The following DAB2 variants were observed in gnomAD, a reference collection of about 807,000 sequenced individuals.
The protein encoded by DAB2 is disabled homolog 2.
Under a neutral mutation model 71.6 loss-of-function variants are expected in DAB2, and 28 were observed. The observed-to-expected ratio is 0.39, with a 90% confidence interval of 0.29 to 0.54. The LOEUF is 0.54. Among genes scored for constraint, DAB2 ranks in the 20% least tolerant of loss-of-function variants. The pLI is 0.68. For missense variants in DAB2, 867 were observed against 928.8 expected, an observed-to-expected ratio of 0.93 and a Z score of 0.86; for synonymous variants, 345 against 339.7, an observed-to-expected ratio of 1.02 and a Z score of -0.17.
chr5:39,396,354 G>A (rs374579126), intron 1 of DAB2, among the ~76,000 whole-genome samples: 13 of 152,166 alleles, frequency 8.5e-5, no homozygotes, highest in South Asian at 6.2e-4. Context: ...ACAGCTTCAC[G>A]TAGTCCTCTT....
chr5:39,376,641 G>A lies in DAB2; in HGVS notation c.2137+9C>T. 6.2e-7 allele frequency: 1 copy of A among 1,612,288 alleles called. No individual in the cohort carries two copies. The highest frequency in any genetic ancestry group is 1.1e-5 in the South Asian group (1 of 90,990). ...GTTGGAACAGTAGGCAGAGTGGTGA[G>A]TGGCTTACCATTGATCTTGTTCAAT... On this transcript the variant is annotated intron_variant, in intron 12 of 14. Coordinates refer to ENST00000320816, the MANE Select transcript of DAB2 (RefSeq NM_001343.4).
chr5:39,372,191 A>G lies in DAB2; in HGVS notation c.*1240T>C, dbSNP rs1754715582. The G allele has an allele frequency of 6.6e-6, 1 of 152,228 alleles. No individual in the cohort carries two copies. 9.4% of individuals were successfully genotyped at this position (152,228 alleles called of 1,614,324 possible). A position where few individuals can be genotyped will look rare whatever the true frequency, so the allele number is the denominator to read the frequency against. On this transcript the variant is annotated 3_prime_UTR_variant, in exon 15 of 15. Transcript: ENST00000320816. ...AGAACTGTGCTCACAACAGGACTGA[A>G]AATGAACTGGGAACGTTTCCAAGTT...
In DAB2 at chr5:39,376,920, G is replaced by A. The variant is rs1262355340; in HGVS notation, c.1867C>T (p.Pro623Ser). The A allele has an allele frequency of 1.9e-6, 3 of 1,614,178 alleles. No individual in the cohort carries two copies. Among genetic ancestry groups the A allele is most frequent in the Non-Finnish European group, 1.7e-6 (2 of 1,180,018 alleles). The change falls in exon 12 of 15, where the codon CCT becomes TCT. Residue 623 changes from proline to serine, a missense_variant. Pro to Ser is a moderately conservative substitution (Grantham distance 74, BLOSUM62 -1). Coordinates refer to ENST00000320816, the MANE Select transcript of DAB2 (RefSeq NM_001343.4). ...SSLLVTPPQP[P>S]PRAGPPKDIS... ...TCCTTGGGAGGGCCAGCTCTGGGAG[G>A]TGGCTGAGGAGGAGTGACCAGGAGA... is the stretch of plus-strand genomic sequence containing the variant.
intron 1 of DAB2, among the ~76,000 whole-genome samples, chr5:39,400,544 A>G (rs1260322358): frequency 6.6e-6 from 1 of 152,086 alleles, no homozygotes. Flanking sequence ...ATGTGTCTCT[A>G]TTTTATGAAT....
At chr5:39,412,717 G>T (rs1474279575) in intron 1 of DAB2, among the ~76,000 whole-genome samples, 1 of 152,118 alleles carries the variant, frequency 6.6e-6, no homozygotes, top group Non-Finnish European at 1.5e-5. Flanking sequence ...GTGATGCTAA[G>T]ACATTATCAT....
In DAB2 at chr5:39,375,028, A is replaced by C; in HGVS notation, c.2304T>G (p.Pro768=). The C allele has an allele frequency of 6.2e-7, 1 of 1,610,464 alleles. No individual in the cohort carries two copies. The highest frequency in any genetic ancestry group is 8.5e-7 in the Non-Finnish European group (1 of 1,177,540). Residue 768 remains proline, a synonymous_variant, in exon 14 of 15, where the codon CCT becomes CCG. Coordinates refer to ENST00000320816, the MANE Select transcript of DAB2 (RefSeq NM_001343.4). ...SEMYRDPFGN[P]FA is the part of the protein sequence containing the mutation. ...CTTCTACTTACAGAATTTAGGCAAA[A>C]GGATTTCCAAATGGATCCCTATACA...
At chr5:39,394,469 C>G in intron 1 of DAB2, 48 bp from the exon 2 acceptor site, 1 of 631,152 alleles carries the variant, frequency 1.6e-6, no homozygotes, top group Non-Finnish European at 2.9e-6. Context: ...ACAGCAGACC[C>G]AGACTTTATG....
intron 1 of DAB2, among the ~76,000 whole-genome samples, chr5:39,409,618 T>C (rs1006468779): frequency 6.6e-6 from 1 of 152,196 alleles, no homozygotes; most frequent in African/African-American, 2.4e-5. Context: ...ATGTAAGTAA[T>C]CACCATTGAC....
At chr5:39,390,421 C>T (rs1342512055) in intron 5 of DAB2, 23 bp downstream of exon 5, 1 of 1,611,118 alleles carries the variant, frequency 6.2e-7, no homozygotes, top group East Asian at 2.2e-5. Context: ...GTCCCCAGGT[C>T]TATGTCAAGA....
At chr5:39,410,132 A>G (rs1230886310) in intron 1 of DAB2, among the ~76,000 whole-genome samples, 1 of 152,172 alleles carries the variant, frequency 6.6e-6, no homozygotes, top group Admixed American at 6.5e-5. Flanking sequence ...GGAAGGGGAA[A>G]AAATAAACTT....
intron 1 of DAB2, chr5:39,408,953 T>C (rs1755663243): frequency 6.6e-6 from 1 of 152,196 alleles, no homozygotes; most frequent in Admixed American, 6.5e-5. Context: ...GATAGGTTAA[T>C]GGATAAGAAA....
At chr5:39,376,273 C>G (rs1262246606) in intron 12 of DAB2, among the ~76,000 whole-genome samples, 167 bp from the exon 13 acceptor site, 1 of 152,098 alleles carries the variant, frequency 6.6e-6, no homozygotes, top group African/African-American at 2.4e-5. Flanking sequence ...TTATCCTTCT[C>G]GGAAGAGAAA....
chr5:39,424,151 C>T (rs899510244), intron 1 of DAB2, among the ~76,000 whole-genome samples: 5 of 152,076 alleles, frequency 3.3e-5, no homozygotes, highest in African/African-American at 9.7e-5. Context: ...TTTTTCCCCC[C>T]TTTTTTAGAA....
intron 11 of DAB2, among the ~76,000 whole-genome samples, chr5:39,378,452 T>G (rs1256423705): frequency 6.6e-6 from 1 of 152,220 alleles, no homozygotes; most frequent in Non-Finnish European, 1.5e-5. Flanking sequence ...AGACCTGGGT[T>G]AGGGACGTTT....
rs1356950933 is a variant in DAB2 at position 39,372,859 on chromosome 5, G to C, written c.*572C>G. ...GAAGAGAAGCTATCTCTTTAAAAAG[G>C]TCCTTAAGTGGTTAGATTCCAAAGT... On this transcript the variant is annotated 3_prime_UTR_variant, in exon 15 of 15. Coordinates refer to ENST00000320816, the MANE Select transcript of DAB2 (RefSeq NM_001343.4). 6.6e-6 allele frequency: 1 copy of C among 152,100 alleles called. No homozygotes were observed. Among genetic ancestry groups the C allele is most frequent in the Non-Finnish European group, 1.5e-5 (1 of 68,018 alleles). The allele number at this position is 152,100 out of a possible 1,614,324, so 9.4% of individuals were successfully genotyped here. A position where few individuals can be genotyped will look rare whatever the true frequency, so the allele number is the denominator to read the frequency against.
At chr5:39,385,875 T>C (rs1755088939) in intron 9 of DAB2, among the ~76,000 whole-genome samples, 1 of 152,198 alleles carries the variant, frequency 6.6e-6, no homozygotes, top group Admixed American at 6.5e-5. Flanking sequence ...CTAGCCCAAC[T>C]ATGATCTATT....
Position 39,377,238 on chromosome 5 carries a change from C to A in DAB2, c.1549G>T (p.Ala517Ser). 1.9e-6 allele frequency: 3 copies of A among 1,614,116 alleles called. No homozygotes were observed. The East Asian group carries it at 6.7e-5, about 36-fold the overall frequency. Reference sequence around the variant, plus strand: ...GGGGACTGATTGAAGACCAAAGATGCTGTGTTCCATGGTCCTGCCTGAGGG... The same window carrying A: ...GGGGACTGATTGAAGACCAAAGATGATGTGTTCCATGGTCCTGCCTGAGGG... Reference protein sequence around the residue: ...TLPQAGPWNTASLVFNQSPSM... With the variant: ...TLPQAGPWNTSSLVFNQSPSM... The change falls in exon 12 of 15, where the codon GCA becomes TCA. Residue 517 changes from alanine (A) to serine (S), a missense_variant. Physicochemically the swap from Ala to Ser is moderately conservative, Grantham distance 99. This residue lies in a region of DAB2 where 740 missense variants were observed against 734.3 expected (regional missense o/e 1.01). Transcript: ENST00000320816.
intron 1 of DAB2, among the ~76,000 whole-genome samples, chr5:39,406,681 T>C (rs1300208673): frequency 6.6e-6 from 1 of 152,216 alleles, no homozygotes; most frequent in African/African-American, 2.4e-5. Flanking sequence ...AATGGGTCAA[T>C]AGAATAAACC....
Position 39,422,343 on chromosome 5 carries a change from T to C in DAB2, c.-102+2461A>G, listed in dbSNP as rs183777286. Among the ~76,000 whole-genome samples, 1 of 152,084 alleles carries C rather than the reference T, an allele frequency of 6.6e-6. No homozygotes were observed. The highest frequency in any genetic ancestry group is 2.4e-5 in the African/African-American group (1 of 41,482). ...TTTCGAATCTTTCCAGCTGGGGAGG[T>C]ATGTTCTGATGAGCATTAGGACAAC... is the stretch of plus-strand genomic sequence containing the variant. On this transcript the variant is annotated intron_variant, in intron 1 of 14. Transcript: ENST00000320816. This position sits in a 1 kb window ranked among gnomAD's most constrained non-coding sequence, Gnocchi z 4.1.
Sources: gnomAD v4.1 joint callset for allele counts (sites outside exome capture counted in the v4.1 genomes callset) on GRCh38, gnomAD v4.1.1 for gene constraint, gnomAD v4.1.1 regional missense constraint, Gnocchi (gnomAD v3.1) non-coding constraint, MANE v1.5 for transcripts, NCBI Gene and HGNC (gene_info 2026-07-23, HGNC 2026-07-21) for gene names.